The following KIF23 variants were observed in gnomAD, a reference collection of about 807,000 sequenced individuals.
KIF23 encodes the protein kinesin-like protein KIF23.
KIF23 carries 30 observed loss-of-function variants against 137.5 expected under a neutral mutation model. The observed-to-expected ratio is 0.22, with a 90% CI of 0.16 to 0.30. The LOEUF (loss-of-function observed/expected upper bound fraction) is 0.30, where lower values mean the gene tolerates loss of function less well. KIF23 is among the 10% of genes least tolerant of loss of function. KIF23 has a pLI of 1.00. For missense variants in KIF23, 920 were observed against 1,194.3 expected (o/e 0.77, Z 3.38); for synonymous variants, 367 against 391.1 (o/e 0.94, Z 0.73).
Position 69,414,419 on chromosome 15 carries a change from A to C in KIF23, c.-47A>C, listed in dbSNP as rs73426054. On this transcript the variant is annotated 5_prime_UTR_variant, in exon 1 of 24. Transcript: ENST00000679126. The stretch of plus-strand genomic sequence containing the variant: ...GTCCTAACGTCCCGCAGTCTTCGCC[A>C]GCCAGCCGTCCCGCATGCGCGTTTG... 2,438 of 1,572,222 alleles carry C rather than the reference A, an allele frequency of 1.6e-3. 27 individuals are homozygous for C. The African/African-American group carries it at 0.029, about 19-fold the overall frequency.
chr15:69,414,704 G>T (rs986078616), intron 1 of KIF23: 44 of 425,574 alleles, frequency 1.0e-4, no homozygotes, highest in Non-Finnish European at 1.5e-4. Context: ...CGCCCCGCCT[G>T]GGCCTCCAAG....
chr15:69,431,066 C>A (rs2057345140), intron 11 of KIF23, among the ~76,000 whole-genome samples: 1 of 152,068 alleles, frequency 6.6e-6, no homozygotes, highest in South Asian at 2.1e-4. Flanking sequence ...AGCCTTTTGC[C>A]CCAATTCAGG....
At chr15:69,435,595 G>GT (rs759069343) in intron 12 of KIF23, 33 bp downstream of exon 12, 1 of 1,612,812 alleles carries the variant, frequency 6.2e-7, no homozygotes, top group Admixed American at 1.7e-5. Flanking sequence ...CTTTTGTATA[G>GT]TTTCATTTGT....
chr15:69,439,414 G>A (rs1489820464), intron 16 of KIF23, among the ~76,000 whole-genome samples: 2 of 151,998 alleles, frequency 1.3e-5, no homozygotes, highest in Non-Finnish European at 2.9e-5. Context: ...AATTGGATCT[G>A]TATTTGGTTT....
chr15:69,438,169 TA>T, intron 15 of KIF23, 78 bp from the exon 16 acceptor site: 1 of 1,225,034 alleles, frequency 8.2e-7, no homozygotes, highest in Non-Finnish European at 1.1e-6. Context: ...ACATTTTATC[TA>T]GTGTCTGCTA....
intron 3 of KIF23, among the ~76,000 whole-genome samples, chr15:69,418,185 A>T (rs1315632563): frequency 6.6e-6 from 1 of 152,146 alleles, no homozygotes; most frequent in Non-Finnish European, 1.5e-5. Context: ...TTCCTGTGAA[A>T]TTGCTCTTCA....
chr15:69,427,455 G>T lies in KIF23; in HGVS notation c.1011+998G>T, dbSNP rs116143989. On this transcript the variant is annotated intron_variant, in intron 10 of 23. Coordinates refer to ENST00000679126, the MANE Select transcript of KIF23 (RefSeq NM_001367805.3). ...ATCTTTAAAAATCCCTTTGGTAGAA[G>T]TGATAAAATAAGACTGTGATTTTTT... 1,499 of 455,990 alleles carry T rather than the reference G, an allele frequency of 3.3e-3. 18 individuals carry two copies. Among genetic ancestry groups the T allele is most frequent in the African/African-American group, 0.027 (1,335 of 50,164 alleles). 28.2% of individuals were successfully genotyped at this position (455,990 alleles called of 1,614,324 possible). A position where few individuals can be genotyped will look rare whatever the true frequency, so the allele number is the denominator to read the frequency against.
intron 20 of KIF23, among the ~76,000 whole-genome samples, chr15:69,445,382 A>G (rs2140419204): frequency 6.6e-6 from 1 of 152,314 alleles, no homozygotes; most frequent in South Asian, 2.1e-4. Flanking sequence ...TTCAAGATAA[A>G]AAAACAAAAA....
chr15:69,436,184 G>A lies in KIF23; in HGVS notation c.1361G>A (p.Arg454Lys). The A allele has an allele frequency of 6.2e-7, 1 of 1,613,976 alleles. No individual in the cohort carries two copies. The highest frequency in any genetic ancestry group is 1.3e-5 in the African/African-American group (1 of 75,002). Residue 454 changes from arginine (R) to lysine (K), a missense_variant, in exon 14 of 24, where the codon AGA (arginine) becomes AAA (lysine). This residue lies in a region of KIF23 where 714 missense variants were observed against 866.2 expected (regional missense o/e 0.82). Transcript: ENST00000679126. ...AEVTQEVEVA[R>K]PVDKAICGLT... ...GTGACTCAAGAAGTTGAAGTAGCAA[G>A]ACCTGTAGACAAGGCAATATGTGGT...
chr15:69,430,030 C>CAAA (rs386383391), intron 11 of KIF23, among the ~76,000 whole-genome samples: 11 of 151,436 alleles, frequency 7.3e-5, no homozygotes, highest in Middle Eastern at 3.4e-3. Context: ...ACAACAACAA[C>CAAA]AAAAAAGGAC....
At chr15:69,445,691 T>C (rs551921286) in intron 20 of KIF23, among the ~76,000 whole-genome samples, 1 of 152,326 alleles carries the variant, frequency 6.6e-6, no homozygotes, top group East Asian at 1.9e-4. Context: ...CCTTAGAGCG[T>C]GTAGAAACTT....
rs759903331 is a variant in KIF23, at chr15:69,421,639, C to G, written c.211-8C>G. ...TTCTATTTAGTGCATTTTTTTCTCT[C>G]TCCACAGACTCAGTATTCATTTAAA... is the stretch of plus-strand genomic sequence containing the variant. On this transcript the variant is annotated splice_polypyrimidine_tract_variant and splice_region_variant and intron_variant, in intron 3 of 23. Coordinates refer to ENST00000679126, the MANE Select transcript of KIF23 (RefSeq NM_001367805.3). The G allele has an allele frequency of 2.6e-6, 4 of 1,568,044 alleles. No individual in the cohort carries two copies. In the Admixed American group the frequency reaches 6.7e-5, roughly 26 times the overall value.
At chr15:69,439,254 A>G (rs981362218) in intron 16 of KIF23, among the ~76,000 whole-genome samples, 1 of 152,130 alleles carries the variant, frequency 6.6e-6, no homozygotes, top group African/African-American at 2.4e-5. Context: ...GGAGCTTTCT[A>G]GAGCTTAGCT....
chr15:69,419,503 C>A (rs1032783845), intron 3 of KIF23, among the ~76,000 whole-genome samples: 4 of 152,146 alleles, frequency 2.6e-5, no homozygotes, highest in Non-Finnish European at 4.4e-5. Flanking sequence ...CTGGACTTCT[C>A]TTTTTCTGGG....
At chr15:69,427,839 T>A (rs561706518) in intron 10 of KIF23, among the ~76,000 whole-genome samples, 3 of 152,362 alleles carry the variant, frequency 2.0e-5, no homozygotes, top group East Asian at 3.9e-4. Context: ...CTCATTTCTA[T>A]TTATTTACCG....
chr15:69,420,335 G>C (rs1423642016), intron 3 of KIF23, among the ~76,000 whole-genome samples: 1 of 152,232 alleles, frequency 6.6e-6, no homozygotes, highest in East Asian at 1.9e-4. Flanking sequence ...CATGGGCTCA[G>C]AGAAGTTTCA....
At position 69,436,608 on chromosome 15, in the gene KIF23, C is replaced by T. The variant is rs777376706; in HGVS notation, c.1483C>T (p.Pro495Ser). ...GGTTTTGCAGAGTTTTCCACCTTTG[C>T]CATCATGCGAAATTTTGGATATCAA... ...DVVLQSFPPLPSCEILDINDE... is the reference protein window; with the variant it reads ...DVVLQSFPPLSSCEILDINDE... Residue 495 changes from proline (P) to serine (S), a missense_variant, in exon 15 of 24, where the codon CCA becomes TCA. Pro to Ser is a moderately conservative substitution (Grantham distance 74, BLOSUM62 -1). Around this residue, in one of 4 missense-constraint regions of KIF23, gnomAD observed 714 missense variants for 866.2 expected, o/e 0.82. Coordinates refer to ENST00000679126, the MANE Select transcript of KIF23 (RefSeq NM_001367805.3). The T allele has an allele frequency of 6.2e-7, 1 of 1,612,572 alleles. No homozygotes were observed. The highest frequency in any genetic ancestry group is 1.1e-5 in the South Asian group (1 of 90,840).
At position 69,442,025 on chromosome 15, in the gene KIF23, G is replaced by A. The variant is rs528876225; in HGVS notation, c.2421+946G>A. Reference sequence around the variant, plus strand: ...AATCCTCCTGCCTTGGCCTCCAAAGGTGCTGAGATTACAGGCAAGCCACTG... The same window carrying A: ...AATCCTCCTGCCTTGGCCTCCAAAGATGCTGAGATTACAGGCAAGCCACTG... On this transcript the variant is annotated intron_variant, in intron 19 of 23. Coordinates refer to ENST00000679126, the MANE Select transcript of KIF23 (RefSeq NM_001367805.3). Among the ~76,000 whole-genome samples, 19 of 152,038 alleles carry A rather than the reference G, an allele frequency of 1.2e-4. 1 individual carries two copies. In the South Asian group the frequency reaches 4.0e-3, roughly 32 times the overall value.
At chr15:69,435,063 C>T (rs953439901) in intron 11 of KIF23, 87 of 505,196 alleles carry the variant, frequency 1.7e-4, no homozygotes, top group African/African-American at 3.4e-4. Context: ...CCCACACAGA[C>T]GATATTCTTC....
Sources: gnomAD v4.1 joint callset for allele counts (sites outside exome capture counted in the v4.1 genomes callset) on GRCh38, gnomAD v4.1.1 for gene constraint, gnomAD v4.1.1 regional missense constraint, MANE v1.5 for transcripts, NCBI Gene and HGNC (gene_info 2026-07-23, HGNC 2026-07-21) for gene names.